The following PTPRD variants were observed in gnomAD, a reference collection of about 807,000 sequenced individuals.
The protein encoded by PTPRD is protein tyrosine phosphatase receptor type D.
A neutral mutation model predicts 214.5 loss-of-function variants in PTPRD; 34 were observed. The observed-to-expected ratio is 0.16, with a 90% CI of 0.12 to 0.21. The LOEUF (loss-of-function observed/expected upper bound fraction) is 0.21. PTPRD is among the 10% of genes least tolerant of loss of function. The pLI, the probability that PTPRD is intolerant of heterozygous loss-of-function variation, is 1.00. For synonymous variants in PTPRD, 1,128 were observed against 845.7 expected, an observed-to-expected ratio of 1.33 and a Z score of -5.79; for missense variants, 2,545 against 2,398.7, an observed-to-expected ratio of 1.06 and a Z score of -1.27.
At chr9:8,466,329 G>A (rs1404757954) in intron 31 of PTPRD, among the ~76,000 whole-genome samples, 1 of 151,856 alleles carries the variant, frequency 6.6e-6, no homozygotes, top group South Asian at 2.1e-4. Flanking sequence ...TTCTAGAATT[G>A]ACCTCTCTTG....
At chr9:9,875,331 T>C (rs1458742426) in intron 5 of PTPRD, among the ~76,000 whole-genome samples, 4 of 152,074 alleles carry the variant, frequency 2.6e-5, no homozygotes, top group African/African-American at 4.8e-5. Flanking sequence ...AGTTTTATTG[T>C]ACAGTACCCT....
chr9:8,759,591 G>A (rs1190813840), intron 11 of PTPRD, among the ~76,000 whole-genome samples: 2 of 149,246 alleles, frequency 1.3e-5, no homozygotes, highest in African/African-American at 5.0e-5. Context: ...TCTGCTGTTG[G>A]CATCTTTTGT....
At chr9:8,748,938 CT>C (rs1011781885) in intron 11 of PTPRD, among the ~76,000 whole-genome samples, 85 of 152,178 alleles carry the variant, frequency 5.6e-4, no homozygotes, top group African/African-American at 2.0e-3. Context: ...CATTTTCTAA[CT>C]TGCACTTTAG....
At chr9:9,148,948 G>C (rs1262289842) in intron 10 of PTPRD, among the ~76,000 whole-genome samples, 2 of 152,206 alleles carry the variant, frequency 1.3e-5, no homozygotes, top group Admixed American at 1.3e-4. Flanking sequence ...GGTCTTAGTA[G>C]GCTAATACTG....
At chr9:8,915,185 C>T (rs1286865540) in intron 11 of PTPRD, among the ~76,000 whole-genome samples, 1 of 152,010 alleles carries the variant, frequency 6.6e-6, no homozygotes, top group East Asian at 1.9e-4. Flanking sequence ...AAAGCCTTTG[C>T]AAGTTTCATG....
At chr9:9,681,863 A>G (rs1427234330) in intron 7 of PTPRD, among the ~76,000 whole-genome samples, 2 of 151,886 alleles carry the variant, frequency 1.3e-5, no homozygotes, top group African/African-American at 2.4e-5. Flanking sequence ...TACTCAGAAC[A>G]TAGAATCTGT....
intron 9 of PTPRD, among the ~76,000 whole-genome samples, chr9:9,232,032 ACTT>A (rs141139946): frequency 7.9e-4 from 121 of 152,242 alleles, no homozygotes; most frequent in African/African-American, 2.8e-3. Context: ...TCTATTTCAC[ACTT>A]CTTAAAACAT....
intron 3 of PTPRD, among the ~76,000 whole-genome samples, chr9:10,273,243 C>A (rs1041084584): frequency 6.6e-6 from 1 of 152,098 alleles, no homozygotes. Flanking sequence ...GCATCTGTGT[C>A]CCTCTTTGGC....
At chr9:9,275,138 T>TATATATA (rs1409137512) in intron 9 of PTPRD, among the ~76,000 whole-genome samples, 7,191 of 53,760 alleles carry the variant, frequency 0.13, 617 homozygotes, top group Non-Finnish European at 0.17. Context: ...TTATATATAA[T>TATATATA]ATATATATAA....
intron 5 of PTPRD, among the ~76,000 whole-genome samples, chr9:9,808,405 C>A (rs565467871): frequency 2.4e-4 from 37 of 152,216 alleles, no homozygotes; most frequent in African/African-American, 8.2e-4. Flanking sequence ...ATGAAATTGT[C>A]TTAAAACCCC....
chr9:8,525,508 C>CA (rs1413880513), intron 17 of PTPRD, among the ~76,000 whole-genome samples: 1 of 151,890 alleles, frequency 6.6e-6, no homozygotes, highest in African/African-American at 2.4e-5. Flanking sequence ...GCAGCGAGCA[C>CA]AAAAAGGCTG....
At chr9:8,707,987 T>A (rs761100988) in intron 12 of PTPRD, among the ~76,000 whole-genome samples, 2 of 152,134 alleles carry the variant, frequency 1.3e-5, no homozygotes, top group African/African-American at 2.4e-5. Flanking sequence ...TGCCCATGGA[T>A]AAAAGGCATT....
rs955713022 is a variant in PTPRD, at chr9:9,032,592, T to A, written c.-142-13857A>T. ...GTGGGTCATGCTCTGAAAAGATGCATAAATAGAGGTGAGAAATTGGTGCTA... is the reference window on the plus strand; with the variant it reads ...GTGGGTCATGCTCTGAAAAGATGCAAAAATAGAGGTGAGAAATTGGTGCTA... On this transcript the variant is annotated intron_variant, in intron 10 of 45. Transcript: ENST00000381196. 4.3e-5 allele frequency among the ~76,000 whole-genome samples: 6 copies of A among 140,828 alleles called. No individual in the cohort carries two copies. The East Asian group carries it at 6.5e-4, about 15-fold the overall frequency. The allele number at this position is 140,828 out of a possible 152,430, so 92.4% of individuals were successfully genotyped here. A position where few individuals can be genotyped will look rare whatever the true frequency, so the allele number is the denominator to read the frequency against.
chr9:10,468,421 G>A (rs151185558), intron 2 of PTPRD, among the ~76,000 whole-genome samples: 5,221 of 152,186 alleles, frequency 0.034, 118 homozygotes, highest in Non-Finnish European at 0.052. Context: ...AACACCATAT[G>A]TTCTCACTCA....
At chr9:10,265,360 G>A (rs2093983513) in intron 3 of PTPRD, among the ~76,000 whole-genome samples, 2 of 152,120 alleles carry the variant, frequency 1.3e-5, no homozygotes, top group African/African-American at 4.8e-5. Flanking sequence ...ACATAAAAAT[G>A]AGGCCCTCTA....
chr9:10,573,041 A>G (rs983086315), intron 2 of PTPRD, among the ~76,000 whole-genome samples: 2 of 152,122 alleles, frequency 1.3e-5, no homozygotes, highest in Admixed American at 1.3e-4. Context: ...TGAGTTGTCA[A>G]CTGAAATTTG....
Position 9,076,562 on chromosome 9 carries a change from T to C in PTPRD, c.-142-57827A>G, listed in dbSNP as rs549540783. The stretch of plus-strand genomic sequence containing the variant: ...TGAGAACATATAATGTTCGTCTTTC[T>C]GTGCCTGCATTATTTCACATAATAT... On this transcript the variant is annotated intron_variant, in intron 10 of 45. Transcript: ENST00000381196. Among the ~76,000 whole-genome samples the C allele has an allele frequency of 2.0e-5, 3 of 152,242 alleles. No homozygotes were observed. The South Asian group carries it at 6.2e-4, about 32-fold the overall frequency.
intron 10 of PTPRD, among the ~76,000 whole-genome samples, chr9:9,103,690 G>A (rs10977495): frequency 0.13 from 19,124 of 152,038 alleles, 1,477 homozygotes; most frequent in East Asian, 0.23. Flanking sequence ...ATTAAAAGTG[G>A]AGCAATTTGG....
intron 11 of PTPRD, among the ~76,000 whole-genome samples, chr9:8,990,507 C>G (rs1007152349): frequency 1.3e-5 from 2 of 152,146 alleles, no homozygotes; most frequent in African/African-American, 4.8e-5. Context: ...GAAGCTCTTT[C>G]TCTCTGACCC....
Sources: allele counts gnomAD v4.1 joint callset (sites outside exome capture counted in the v4.1 genomes callset), GRCh38; gene constraint gnomAD v4.1.1; transcripts MANE v1.5; gene names NCBI Gene and HGNC (gene_info 2026-07-23, HGNC 2026-07-21).